HTR4: variants seen among roughly 807,000 people sequenced by gnomAD.
HTR4 encodes the protein 5-hydroxytryptamine (serotonin) receptor 4, G protein-coupled.
A neutral mutation model predicts 36.8 loss-of-function variants in HTR4; 16 were observed. That is an observed-to-expected ratio of 0.43 (90% CI 0.29 to 0.66). HTR4 has a LOEUF of 0.66. HTR4 is among the 30% of genes least tolerant of loss of function. HTR4 has a pLI of 0.13. For missense variants in HTR4, 438 were observed against 490.9 expected (o/e 0.89, Z 1.02); for synonymous variants, 189 against 185.1 (o/e 1.02, Z -0.17).
At chr5:148,552,726 A>G (rs1469654689) in intron 2 of HTR4, among the ~76,000 whole-genome samples, 2 of 152,194 alleles carry the variant, frequency 1.3e-5, no homozygotes, top group East Asian at 1.9e-4. Context: ...CTGTGCCCCA[A>G]TTCCACAGAT....
At chr5:148,495,004 A>C (rs1458559044) in intron 6 of HTR4, among the ~76,000 whole-genome samples, 1 of 152,160 alleles carries the variant, frequency 6.6e-6, no homozygotes, top group African/African-American at 2.4e-5. Flanking sequence ...ATAGGCAATA[A>C]GTTCTTTGGA....
intron 6 of HTR4, among the ~76,000 whole-genome samples, chr5:148,508,375 G>T (rs1462828718): frequency 6.6e-6 from 1 of 152,152 alleles, no homozygotes; most frequent in African/African-American, 2.4e-5. Context: ...CTAGCCCAGG[G>T]TGACCAGAAA....
At chr5:148,649,244 C>A (rs1157195100) in intron 1 of HTR4, among the ~76,000 whole-genome samples, 1 of 150,306 alleles carries the variant, frequency 6.7e-6, no homozygotes, top group African/African-American at 2.4e-5. Context: ...CTTAGAGATA[C>A]CTTGCTTGGA....
At chr5:148,644,817 C>G (rs1197525959) in intron 1 of HTR4, 1 of 152,128 alleles carries the variant, frequency 6.6e-6, no homozygotes, top group Non-Finnish European at 1.5e-5. Flanking sequence ...TTCCAGTAGA[C>G]TGAGAGCAGC....
chr5:148,519,149 A>G (rs1757894766), intron 5 of HTR4, among the ~76,000 whole-genome samples: 1 of 152,226 alleles, frequency 6.6e-6, no homozygotes. Context: ...TATAAAATGA[A>G]TATTAAACAT....
intron 5 of HTR4, among the ~76,000 whole-genome samples, chr5:148,516,423 G>A (rs1757758147): frequency 2.0e-5 from 3 of 146,952 alleles, no homozygotes; most frequent in Middle Eastern, 3.6e-3. Context: ...GGGTTCAAGC[G>A]ATTCTTCTGC....
At position 148,559,309 on chromosome 5, in the gene HTR4, G is replaced by T. The variant is rs79893966; in HGVS notation, c.27-9047C>A. The stretch of plus-strand genomic sequence containing the variant: ...ATCATGTCGGGGACCATCTGTAATT[G>T]TATGTGTGTGGCTTCTTCATTACCT... On this transcript the variant is annotated intron_variant, in intron 2 of 6. Coordinates refer to ENST00000377888, the MANE Select transcript of HTR4 (RefSeq NM_000870.7). Among the ~76,000 whole-genome samples, 124 of 152,294 alleles carry T rather than the reference G, an allele frequency of 8.1e-4. 1 individual carries two copies. The East Asian group carries it at 0.022, about 27-fold the overall frequency.
chr5:148,543,814 A>G (rs9325104), intron 4 of HTR4, among the ~76,000 whole-genome samples: 75,120 of 151,832 alleles, frequency 0.49, 19,479 homozygotes, highest in African/African-American at 0.66. Flanking sequence ...AGACCAATGT[A>G]GGAGTGATGC....
intron 6 of HTR4, among the ~76,000 whole-genome samples, chr5:148,497,130 A>G (rs1263208418): frequency 6.6e-6 from 1 of 152,166 alleles, no homozygotes; most frequent in Non-Finnish European, 1.5e-5. Flanking sequence ...ACTTTTCAAA[A>G]AAAACCATTT....
intron 3 of HTR4, among the ~76,000 whole-genome samples, chr5:148,549,139 C>T (rs186899961): frequency 1.3e-5 from 2 of 152,142 alleles, no homozygotes; most frequent in Non-Finnish European, 2.9e-5. Context: ...TTTTCCTCCC[C>T]CTTCTGGCCA....
intron 2 of HTR4, among the ~76,000 whole-genome samples, chr5:148,569,688 T>A (rs1175942811): frequency 6.6e-6 from 1 of 151,764 alleles, no homozygotes; most frequent in Non-Finnish European, 1.5e-5. Context: ...AAATTATACA[T>A]CAATATACAT....
At chr5:148,649,706 T>TA (rs1361865125) in intron 1 of HTR4, among the ~76,000 whole-genome samples, 2 of 151,422 alleles carry the variant, frequency 1.3e-5, no homozygotes, top group Non-Finnish European at 1.5e-5. Context: ...AAACTCAAAA[T>TA]AAGAGGCAAA....
intron 5 of HTR4, among the ~76,000 whole-genome samples, chr5:148,452,458 G>T (rs1162185228): frequency 2.0e-5 from 3 of 152,150 alleles, no homozygotes; most frequent in Non-Finnish European, 2.9e-5. Context: ...AGCATTTTTG[G>T]TTGTCACTGA....
chr5:148,651,092 T>A (rs36055891), intron 1 of HTR4, among the ~76,000 whole-genome samples: 29,530 of 152,170 alleles, frequency 0.19, 3,443 homozygotes, highest in East Asian at 0.4. Flanking sequence ...AAAATGAGAG[T>A]AACAGAAGTA....
downstream of HTR4, among the ~76,000 whole-genome samples, chr5:148,473,954 A>G (rs1359240487): frequency 6.6e-6 from 1 of 152,186 alleles, no homozygotes; most frequent in Non-Finnish European, 1.5e-5. Context: ...GACGGCTACT[A>G]TTAGATGAGA....
At position 148,580,433 on chromosome 5, in the gene HTR4, A is replaced by C. The variant is rs145953449; in HGVS notation, c.27-30171T>G. ...TCTAATGAGAGCTATCCTATTAACC[A>C]ATGAGTAAGTGCACTGTATCTTATT... On this transcript the variant is annotated intron_variant, in intron 2 of 6. Transcript: ENST00000377888. Among the ~76,000 whole-genome samples the C allele has an allele frequency of 2.9e-3, 441 of 152,160 alleles. 3 individuals carry two copies. The highest frequency in any genetic ancestry group is 0.01 in the African/African-American group (418 of 41,538).
chr5:148,629,489 A>G (rs1482345313), intron 2 of HTR4: 1 of 152,208 alleles, frequency 6.6e-6, no homozygotes, highest in African/African-American at 2.4e-5. Flanking sequence ...GGAAGCTTTG[A>G]GGCCTACAGA....
At chr5:148,596,670 C>A (rs559275551) in intron 2 of HTR4, among the ~76,000 whole-genome samples, 3 of 151,300 alleles carry the variant, frequency 2.0e-5, no homozygotes, top group Non-Finnish European at 4.4e-5. Flanking sequence ...CCAAATGTCC[C>A]CTGGTGGTGG....
At chr5:148,484,553 C>T (rs1756060075) in intron 6 of HTR4, among the ~76,000 whole-genome samples, 2 of 152,140 alleles carry the variant, frequency 1.3e-5, no homozygotes, top group African/African-American at 2.4e-5. Flanking sequence ...GAAGTTCATT[C>T]GGACTTGTTA....
Sources: allele counts gnomAD v4.1 joint callset (sites outside exome capture counted in the v4.1 genomes callset), GRCh38; gene constraint gnomAD v4.1.1; transcripts MANE v1.5; gene names NCBI Gene and HGNC (gene_info 2026-07-23, HGNC 2026-07-21).